The following COX7B2 variants were observed in gnomAD, a reference collection of about 807,000 sequenced individuals.
COX7B2 encodes cytochrome c oxidase subunit 7B2, mitochondrial.
For missense variants in COX7B2, 109 were observed against 95.9 expected (o/e 1.14, Z -0.57); for synonymous variants, 37 against 32.1 (o/e 1.15, Z -0.51).
intron 2 of COX7B2, among the ~76,000 whole-genome samples, chr4:46,762,687 T>C (rs1228483584): frequency 6.7e-6 from 1 of 148,934 alleles, no homozygotes; most frequent in Admixed American, 6.9e-5. Context: ...TTCTTCTCTC[T>C]GCTTGGCGTA....
At chr4:46,759,806 C>A (rs1463738572) in intron 2 of COX7B2, among the ~76,000 whole-genome samples, 2 of 148,702 alleles carry the variant, frequency 1.3e-5, no homozygotes, top group Admixed American at 1.4e-4. Flanking sequence ...TAAGTCATAT[C>A]TTATATAAGT....
At chr4:46,790,158 A>C (rs955502945) in intron 2 of COX7B2, among the ~76,000 whole-genome samples, 6 of 152,230 alleles carry the variant, frequency 3.9e-5, no homozygotes, top group Non-Finnish European at 5.9e-5. Flanking sequence ...AAACAGAAAA[A>C]TCTGAAGCAG....
chr4:46,853,437 A>G (rs951984199), intron 1 of COX7B2, among the ~76,000 whole-genome samples: 6 of 152,198 alleles, frequency 3.9e-5, no homozygotes, highest in Non-Finnish European at 7.3e-5. Flanking sequence ...TGGCATATAC[A>G]TAAACATTTT....
intron 2 of COX7B2, among the ~76,000 whole-genome samples, chr4:46,803,733 T>TC (rs1491476987): frequency 4.4e-5 from 1 of 22,972 alleles, no homozygotes; most frequent in East Asian, 2.1e-3. Flanking sequence ...GTTTACTTTC[T>TC]TTTTTTTTTT....
At chr4:46,758,447 C>T (rs1046189644) in intron 2 of COX7B2, among the ~76,000 whole-genome samples, 3 of 152,112 alleles carry the variant, frequency 2.0e-5, no homozygotes, top group South Asian at 2.1e-4. Context: ...AAAGTACAGA[C>T]AGTCTCTGTG....
At chr4:46,877,383 A>G (rs2109837941) in intron 1 of COX7B2, among the ~76,000 whole-genome samples, 1 of 152,272 alleles carries the variant, frequency 6.6e-6, no homozygotes, top group East Asian at 1.9e-4. Context: ...AATGCCTAAC[A>G]TATTTGTCTT....
At chr4:46,807,123 G>A (rs1023632777) in intron 2 of COX7B2, among the ~76,000 whole-genome samples, 4 of 151,390 alleles carry the variant, frequency 2.6e-5, no homozygotes, top group Non-Finnish European at 4.4e-5. Context: ...CATACTAATC[G>A]ACAGTCCCAC....
chr4:46,803,763 G>A (rs1314892141), intron 2 of COX7B2, among the ~76,000 whole-genome samples: 1 of 138,918 alleles, frequency 7.2e-6, no homozygotes, highest in East Asian at 2.1e-4. Context: ...AACATTCCAT[G>A]AGATTAAAGT....
At chr4:46,746,274 A>G (rs962842706) in intron 2 of COX7B2, among the ~76,000 whole-genome samples, 1 of 152,232 alleles carries the variant, frequency 6.6e-6, no homozygotes, top group Non-Finnish European at 1.5e-5. Context: ...GTAAATACAC[A>G]GAACCCAATA....
chr4:46,852,262 T>A (rs894915441), intron 1 of COX7B2, among the ~76,000 whole-genome samples: 1 of 152,142 alleles, frequency 6.6e-6, no homozygotes, highest in Admixed American at 6.6e-5. Flanking sequence ...TATTGCTCAA[T>A]TTGTTCATTA....
chr4:46,778,022 G>A (rs1476351157), intron 2 of COX7B2, among the ~76,000 whole-genome samples: 3 of 152,002 alleles, frequency 2.0e-5, no homozygotes, highest in South Asian at 2.1e-4. Flanking sequence ...TAATAAATGT[G>A]ATCTATTATT....
At chr4:46,892,895 C>A (rs990664424) in intron 1 of COX7B2, among the ~76,000 whole-genome samples, 1 of 152,178 alleles carries the variant, frequency 6.6e-6, no homozygotes, top group African/African-American at 2.4e-5. Context: ...CCATGCTATT[C>A]TCATGATAGT....
rs375968257 is a variant in COX7B2 at position 46,734,941 on chromosome 4, T to C, written c.*6A>G. The C allele has an allele frequency of 1.2e-6, 2 of 1,613,882 alleles. No individual in the cohort carries two copies. Among genetic ancestry groups the C allele is most frequent in the African/African-American group, 2.7e-5 (2 of 74,904 alleles). Reference sequence around the variant, plus strand: ...AACAATTCTGTCATTACAGCAACTGTGATGGTTACTGATGTTTCCACTCTT... The same window carrying C: ...AACAATTCTGTCATTACAGCAACTGCGATGGTTACTGATGTTTCCACTCTT... On this transcript the variant is annotated 3_prime_UTR_variant, in exon 3 of 3. Coordinates refer to ENST00000355591, the MANE Select transcript of COX7B2 (RefSeq NM_130902.3).
At chr4:46,736,616 T>A (rs938996536) in intron 2 of COX7B2, among the ~76,000 whole-genome samples, 1 of 152,176 alleles carries the variant, frequency 6.6e-6, no homozygotes, top group Non-Finnish European at 1.5e-5. Flanking sequence ...CACCTATTCA[T>A]CTTTCTGTTT....
chr4:46,763,216 T>C (rs1228973772), intron 2 of COX7B2, among the ~76,000 whole-genome samples: 2 of 137,792 alleles, frequency 1.5e-5, no homozygotes, highest in Non-Finnish European at 3.0e-5. Flanking sequence ...ATATTTATAA[T>C]ATATATTCAT....
At position 46,907,848 on chromosome 4, in the gene COX7B2, C is replaced by CTTTTTTTTT. The variant is rs35024713; in HGVS notation, c.-105+1303_-105+1311dup. Among the ~76,000 whole-genome samples, 23 of 59,720 alleles carry CTTTTTTTTT rather than the reference C, an allele frequency of 3.9e-4. 3 individuals are homozygous for CTTTTTTTTT. The highest frequency in any genetic ancestry group is 1.3e-3 in the East Asian group (2 of 1,546). 39.2% of individuals were successfully genotyped at this position (59,720 alleles called of 152,430 possible). ...TATAAAAGATCAGAATTTGAGCAGA[C>CTTTTTTTTT]TTTTTTTTTTTTTTTTTTTTTTTTG... is the stretch of plus-strand genomic sequence containing the variant. On this transcript the variant is annotated intron_variant, in intron 1 of 2. Coordinates refer to ENST00000355591, the MANE Select transcript of COX7B2 (RefSeq NM_130902.3).
intron 2 of COX7B2, among the ~76,000 whole-genome samples, chr4:46,784,494 G>A (rs57753374): frequency 0.032 from 4,923 of 152,088 alleles, 194 homozygotes; most frequent in African/African-American, 0.098. Flanking sequence ...ACATGGTGGC[G>A]CATGCCTGTA....
At chr4:46,800,091 G>A (rs1302423947) in intron 2 of COX7B2, among the ~76,000 whole-genome samples, 1 of 152,002 alleles carries the variant, frequency 6.6e-6, no homozygotes, top group African/African-American at 2.4e-5. Flanking sequence ...TCTCTACAGT[G>A]AAAATTATAA....
intron 2 of COX7B2, among the ~76,000 whole-genome samples, chr4:46,810,277 T>A (rs1719222532): frequency 6.6e-6 from 1 of 152,044 alleles, no homozygotes; most frequent in African/African-American, 2.4e-5. Context: ...TCAAGGTTGT[T>A]ACTGATACAT....
Sources: allele counts gnomAD v4.1 joint callset (sites outside exome capture counted in the v4.1 genomes callset), GRCh38; gene constraint gnomAD v4.1.1; transcripts MANE v1.5; gene names NCBI Gene and HGNC (gene_info 2026-07-23, HGNC 2026-07-21).